The following VWA5B1 variants were observed in gnomAD, a reference collection of about 807,000 sequenced individuals.
VWA5B1 encodes the protein von Willebrand factor A domain containing 5B1, also known as von Willebrand factor A domain-containing protein 5B1.
VWA5B1 carries 115 observed loss-of-function variants against 118.2 expected under a neutral mutation model. The observed-to-expected ratio is 0.97, with a 90% CI of 0.84 to 1.14. The LOEUF (loss-of-function observed/expected upper bound fraction) is 1.14, where lower values mean the gene tolerates loss of function less well. Ranked by LOEUF, VWA5B1 falls within the 50% of genes most tolerant of loss-of-function variation. The pLI is 0.00. For synonymous variants in VWA5B1, 682 were observed against 658.4 expected (o/e 1.04, Z -0.55); for missense variants, 1,596 against 1,603.8 (o/e 1.00, Z 0.08).
intron 16 of VWA5B1, among the ~76,000 whole-genome samples, chr1:20,345,220 T>C (rs2089981255): frequency 6.6e-6 from 1 of 152,230 alleles, no homozygotes; most frequent in Admixed American, 6.5e-5. Context: ...TCTGAGACAA[T>C]GTCTTACATT....
chr1:20,297,087 T>G (rs1166019836), intron 1 of VWA5B1, among the ~76,000 whole-genome samples: 1 of 152,216 alleles, frequency 6.6e-6, no homozygotes, highest in Non-Finnish European at 1.5e-5. Flanking sequence ...TACAAAGATC[T>G]CTGTCTTCCT....
At chr1:20,319,623 G>T in intron 7 of VWA5B1, 117 bp downstream of exon 7, 1 of 1,427,184 alleles carries the variant, frequency 7.0e-7, no homozygotes. Context: ...CCAGCAAGCT[G>T]GAGGCAGACA....
chr1:20,304,859 C>T (rs1463920690), intron 1 of VWA5B1, among the ~76,000 whole-genome samples: 2 of 152,078 alleles, frequency 1.3e-5, no homozygotes, highest in Non-Finnish European at 2.9e-5. Flanking sequence ...AGTTGCCTCA[C>T]CTCTTCGAGC....
At chr1:20,310,488 T>G in intron 1 of VWA5B1, 88 bp from the exon 2 acceptor site, 1 of 1,252,900 alleles carries the variant, frequency 8.0e-7, no homozygotes, top group Non-Finnish European at 1.1e-6. Flanking sequence ...GATGCTCTGA[T>G]TGCTTGAGGG....
At position 20,343,269 on chromosome 1, in the gene VWA5B1, T is replaced by C. The variant is rs1293754167; in HGVS notation, c.2502T>C (p.Pro834=). 29 of 1,548,452 alleles carry C rather than the reference T, an allele frequency of 1.9e-5. No homozygotes were observed. The highest frequency in any genetic ancestry group is 2.5e-5 in the Non-Finnish European group (29 of 1,146,730). ...QWEVSFELGT[P]GPERGGAQDA... ...AGGTGAGCTTCGAGCTGGGGACCCC[T>C]GGACCGGAGCGGGGCGGCGCGCAGG... The change falls in exon 16 of 22, where the codon CCT becomes CCC. Residue 834 remains proline (P), a synonymous_variant. Transcript: ENST00000289815.
intron 1 of VWA5B1, among the ~76,000 whole-genome samples, chr1:20,310,036 G>A (rs909217853): frequency 6.6e-6 from 1 of 151,908 alleles, no homozygotes; most frequent in Non-Finnish European, 1.5e-5. Context: ...CTGGAAGAAT[G>A]TGGCTCCCCT....
rs541376882 is a variant in VWA5B1, at chr1:20,345,673, G to A, written c.2764+80G>A. 489 of 1,458,680 alleles carry A rather than the reference G, an allele frequency of 3.4e-4. 10 individuals are homozygous for A. In the East Asian group the frequency reaches 0.011, roughly 33 times the overall value. 90.4% of individuals were successfully genotyped at this position (1,458,680 alleles called of 1,614,324 possible). ...CTAGGGGAGGGGGCTGAGATACAAA[G>A]GACCACAGACCAGCAGGGAGCGGGG... On this transcript the variant is annotated intron_variant, in intron 17 of 21. Transcript: ENST00000289815.
intron 8 of VWA5B1, among the ~76,000 whole-genome samples, chr1:20,326,693 C>A (rs1271631847): frequency 6.6e-6 from 1 of 152,098 alleles, no homozygotes; most frequent in African/African-American, 2.4e-5. Context: ...TCATGATCTG[C>A]CTGCCTCCAC....
rs116825332 is a variant in VWA5B1 at position 20,315,275 on chromosome 1, G to A, written c.563+683G>A. Among the ~76,000 whole-genome samples the A allele has an allele frequency of 5.5e-3, 843 of 152,340 alleles. 10 individuals are homozygous for A. Among genetic ancestry groups the A allele is most frequent in the African/African-American group, 0.019 (802 of 41,586 alleles). On this transcript the variant is annotated intron_variant, in intron 4 of 21. Coordinates refer to ENST00000289815, the MANE Select transcript of VWA5B1 (RefSeq NM_001039500.3). The stretch of plus-strand genomic sequence containing the variant: ...GCCCCAGAGAAGAACAGAAGCACAG[G>A]TGGCACGCAATGAGGCTGCAGAGGC...
chr1:20,301,674 G>C (rs971462108), intron 1 of VWA5B1, among the ~76,000 whole-genome samples: 1 of 152,358 alleles, frequency 6.6e-6, no homozygotes, highest in South Asian at 2.1e-4. Context: ...CACGGGAAGC[G>C]GTGTGCTGGA....
chr1:20,342,522 C>T lies in VWA5B1; in HGVS notation c.2224C>T (p.Gln742Ter). The change falls in exon 15 of 22, where the codon CAG (glutamine) becomes TAG (stop). Residue 742 changes from glutamine (Q) to a stop codon, truncating the protein, a stop_gained. Transcript: ENST00000289815. LOFTEE classifies it high-confidence loss of function. ...RRPSLLPQGC[Q>*]PFLPWGQETQ... ...GCCCTCTCTGCTGCCCCAAGGCTGCCAGCCCTTCCTGCCCTGGGGCCAGGA... is the reference window on the plus strand; with the variant it reads ...GCCCTCTCTGCTGCCCCAAGGCTGCTAGCCCTTCCTGCCCTGGGGCCAGGA... The T allele has an allele frequency of 6.5e-7, 1 of 1,550,194 alleles. No individual in the cohort carries two copies. Among genetic ancestry groups the T allele is most frequent in the Non-Finnish European group, 8.7e-7 (1 of 1,146,456 alleles).
chr1:20,336,603 C>T, intron 13 of VWA5B1, 117 bp downstream of exon 13: 1 of 1,137,718 alleles, frequency 8.8e-7, no homozygotes, highest in African/African-American at 1.6e-5. Context: ...TACTGTTATA[C>T]CCACTTTACA....
At chr1:20,315,444 G>A (rs2088977196) in intron 4 of VWA5B1, among the ~76,000 whole-genome samples, 1 of 152,226 alleles carries the variant, frequency 6.6e-6, no homozygotes, top group African/African-American at 2.4e-5. Flanking sequence ...TGGTGTACAG[G>A]AGGGAAAAGG....
At chr1:20,324,339 C>T (rs2089311821) in intron 8 of VWA5B1, among the ~76,000 whole-genome samples, 1 of 152,066 alleles carries the variant, frequency 6.6e-6, no homozygotes, top group South Asian at 2.1e-4. Flanking sequence ...TAGAATCCTC[C>T]CCCCTCACAA....
chr1:20,338,414 A>AGAGG, intron 14 of VWA5B1: 1 of 224,756 alleles, frequency 4.4e-6, no homozygotes, highest in Non-Finnish European at 9.0e-6. Context: ...CAGTGGTGCC[A>AGAGG]TCTCAGCTCA....
At position 20,358,196 on chromosome 1, in the gene VWA5B1, G is replaced by A. The variant is rs2090262543; in HGVS notation, c.*3933G>A. ...CCTGAGCTGCCACTCACTGCCACTT[G>A]CTGTGGCTGATGAATAGACTAGCTG... On this transcript the variant is annotated 3_prime_UTR_variant, in exon 22 of 22. Transcript: ENST00000289815. 6.6e-6 allele frequency among the ~76,000 whole-genome samples: 1 copy of A among 152,202 alleles called. No individual in the cohort carries two copies. Among genetic ancestry groups the A allele is most frequent in the Non-Finnish European group, 1.5e-5 (1 of 68,044 alleles).
intron 1 of VWA5B1, among the ~76,000 whole-genome samples, chr1:20,301,944 A>T (rs1397429663): frequency 1.3e-5 from 2 of 152,150 alleles, no homozygotes; most frequent in Non-Finnish European, 2.9e-5. Flanking sequence ...CAGTTTCTGT[A>T]TATGTAAACC....
In VWA5B1 at chr1:20,318,625, G is replaced by A. The variant is rs761851357; in HGVS notation, c.745G>A (p.Ala249Thr). Residue 249 changes from alanine (A) to threonine (T), a missense_variant, in exon 6 of 22, where the codon GCC becomes ACC. Ala to Thr is a moderately conservative substitution (Grantham distance 58, BLOSUM62 0). Transcript: ENST00000289815. ...ESPTHEIRAD[A>T]APSARSAKSI... ...TCCCACTCATGAGATTCGTGCCGAC[G>A]CCGCCCCATCTGCCCGCTCGGCCAA... 29 of 1,551,088 alleles carry A rather than the reference G, an allele frequency of 1.9e-5. No individual in the cohort carries two copies. Among genetic ancestry groups the A allele is most frequent in the Admixed American group, 7.9e-5 (4 of 50,926 alleles).
intron 13 of VWA5B1, 26 bp from the exon 14 acceptor site, chr1:20,337,620 G>T (rs754481674): frequency 1.6e-5 from 25 of 1,534,820 alleles, no homozygotes; most frequent in Non-Finnish European, 2.1e-5. Context: ...CCACTCTGAT[G>T]GTTCCCCATC....
Sources: gnomAD v4.1 joint callset for allele counts (sites outside exome capture counted in the v4.1 genomes callset) on GRCh38, gnomAD v4.1.1 for gene constraint, MANE v1.5 for transcripts, NCBI Gene and HGNC (gene_info 2026-07-23, HGNC 2026-07-21) for gene names.